SERGEF: variants seen among roughly 807,000 people sequenced by gnomAD.
SERGEF encodes the protein secretion regulating guanine nucleotide exchange factor.
Under a neutral mutation model 50.0 loss-of-function variants are expected in SERGEF, and 51 were observed. The ratio of observed to expected loss-of-function variants is 1.02; its 90% CI spans 0.81 to 1.29. The LOEUF is 1.29. SERGEF is among the 50% of genes most tolerant of loss of function. The probability of loss-of-function intolerance (pLI) is 0.00; values close to 1 mark genes in which losing one functional copy is unlikely to be tolerated. For missense variants in SERGEF, 521 were observed against 557.0 expected (o/e 0.94, Z 0.65); for synonymous variants, 205 against 212.4 (o/e 0.97, Z 0.30).
intron 10 of SERGEF, among the ~76,000 whole-genome samples, chr11:17,844,988 T>C (rs1850579994): frequency 6.6e-6 from 1 of 151,954 alleles, no homozygotes; most frequent in African/African-American, 2.4e-5. Context: ...TTGGGCTGCA[T>C]TCAAAGCTGT....
intron 9 of SERGEF, among the ~76,000 whole-genome samples, chr11:17,929,099 T>C (rs1027329765): frequency 2.6e-5 from 4 of 152,222 alleles, no homozygotes; most frequent in African/African-American, 9.6e-5. Context: ...CACCCACTTT[T>C]GTGAATATAA....
intron 4 of SERGEF, among the ~76,000 whole-genome samples, chr11:18,001,152 A>T (rs1853951765): frequency 6.6e-6 from 1 of 152,146 alleles, no homozygotes; most frequent in Non-Finnish European, 1.5e-5. Flanking sequence ...GTGGAACCAA[A>T]CCTATCTGCC....
chr11:17,852,875 G>A (rs762292904), intron 10 of SERGEF, among the ~76,000 whole-genome samples: 2 of 152,096 alleles, frequency 1.3e-5, no homozygotes, highest in African/African-American at 4.8e-5. Context: ...CCTAATTCTC[G>A]CTCAGTGCTT....
chr11:17,833,928 T>G (rs1477657485), intron 10 of SERGEF, among the ~76,000 whole-genome samples: 1 of 152,186 alleles, frequency 6.6e-6, no homozygotes, highest in Non-Finnish European at 1.5e-5. Context: ...ACTTGCCTGG[T>G]CTCGGATGAG....
At chr11:17,802,446 T>C (rs1374858179) in intron 10 of SERGEF, among the ~76,000 whole-genome samples, 1 of 152,168 alleles carries the variant, frequency 6.6e-6, no homozygotes, top group Admixed American at 6.5e-5. Context: ...GGCTAGAGAC[T>C]TTGAGGCTGA....
chr11:17,914,241 C>A (rs12281058), intron 9 of SERGEF, among the ~76,000 whole-genome samples: 2,731 of 152,238 alleles, frequency 0.018, 97 homozygotes, highest in African/African-American at 0.063. Flanking sequence ...CAAATCCCAC[C>A]TCATCCATGA....
intron 8 of SERGEF, among the ~76,000 whole-genome samples, chr11:17,977,288 T>C (rs776753333): frequency 6.6e-6 from 1 of 151,838 alleles, no homozygotes; most frequent in Non-Finnish European, 1.5e-5. Context: ...AATAACACAG[T>C]GAAGGGAATA....
chr11:17,926,755 A>C lies in SERGEF; in HGVS notation c.1011+32715T>G, dbSNP rs1227840679. 3.5e-5 allele frequency: 16 copies of C among 456,068 alleles called. No individual in the cohort carries two copies. In the East Asian group the frequency reaches 8.3e-4, roughly 24 times the overall value. The allele number at this position is 456,068 out of a possible 1,614,324, so 28.3% of individuals were successfully genotyped here. On this transcript the variant is annotated intron_variant, in intron 9 of 10. Transcript: ENST00000265965. ...AGTCCTACCTTGCTATTACTCCAAA[A>C]GACTATCTTGATGCAGAATCCACCT...
At chr11:17,871,353 C>T (rs1161120654) in intron 10 of SERGEF, among the ~76,000 whole-genome samples, 5 of 150,494 alleles carry the variant, frequency 3.3e-5, no homozygotes, top group African/African-American at 9.8e-5. Context: ...CCCAGCTACT[C>T]GGGAGGCTGA....
chr11:17,978,821 G>C (rs139292334), intron 8 of SERGEF, among the ~76,000 whole-genome samples: 22 of 152,218 alleles, frequency 1.4e-4, no homozygotes, highest in African/African-American at 4.8e-4. Context: ...TACTAATTCC[G>C]AATGATGACT....
intron 9 of SERGEF, among the ~76,000 whole-genome samples, chr11:17,928,433 T>A (rs1287886861): frequency 6.6e-6 from 1 of 152,054 alleles, no homozygotes. Flanking sequence ...CAGCACAGAC[T>A]GAATATTTAG....
At chr11:17,883,691 G>T (rs1851376479) in intron 9 of SERGEF, among the ~76,000 whole-genome samples, 1 of 152,126 alleles carries the variant, frequency 6.6e-6, no homozygotes, top group African/African-American at 2.4e-5. Flanking sequence ...CACCCATCCA[G>T]TTCCCTTACA....
At chr11:17,988,174 C>T (rs2137777) in intron 8 of SERGEF, among the ~76,000 whole-genome samples, 65,960 of 152,076 alleles carry the variant, frequency 0.43, 17,094 homozygotes, top group Middle Eastern at 0.62. Flanking sequence ...AATTCCATGC[C>T]AGCTATGAAT....
chr11:18,006,662 G>C lies in SERGEF; in HGVS notation c.281C>G (p.Pro94Arg). The C allele has an allele frequency of 1.2e-6, 2 of 1,614,130 alleles. No homozygotes were observed. The highest frequency in any genetic ancestry group is 1.7e-6 in the Non-Finnish European group (2 of 1,180,006). The change falls in exon 3 of 11, where the codon CCC becomes CGC. Residue 94 changes from proline to arginine, a missense_variant. By Grantham distance (103) the Pro-to-Arg change is moderately radical. Coordinates refer to ENST00000265965, the MANE Select transcript of SERGEF (RefSeq NM_012139.4). Reference sequence around the variant, plus strand: ...GGGACAGCCAAAGAGGGATTTGCAGGGGGTAAAATATGGGATATCCTCTGT... The same window carrying C: ...GGGACAGCCAAAGAGGGATTTGCAGCGGGTAAAATATGGGATATCCTCTGT... ...GHTEDIPYFT[P>R]CKSLFGCPIQ...
intron 9 of SERGEF, among the ~76,000 whole-genome samples, chr11:17,941,287 T>A (rs919366294): frequency 6.6e-6 from 1 of 152,190 alleles, no homozygotes; most frequent in Non-Finnish European, 1.5e-5. Context: ...GTGTGAAGTA[T>A]ATTCGCATTG....
intron 10 of SERGEF, among the ~76,000 whole-genome samples, chr11:17,789,431 A>T (rs1030234272): frequency 2.6e-5 from 4 of 152,250 alleles, no homozygotes; most frequent in Non-Finnish European, 5.9e-5. Flanking sequence ...AGATACAAAA[A>T]TGAACAAATT....
intron 1 of SERGEF, chr11:18,012,539 C>T (rs1449611672): frequency 4.4e-6 from 5 of 1,136,980 alleles, no homozygotes; most frequent in Non-Finnish European, 5.4e-6. Context: ...GACAGGGTCT[C>T]CCTCCTCCAG....
intron 10 of SERGEF, among the ~76,000 whole-genome samples, chr11:17,856,997 T>A (rs776146482): frequency 4.6e-5 from 7 of 152,212 alleles, no homozygotes; most frequent in Non-Finnish European, 7.3e-5. Context: ...TAGCACTGGT[T>A]TGGTACAAAC....
At chr11:17,815,271 A>T (rs1460327957) in intron 10 of SERGEF, among the ~76,000 whole-genome samples, 1 of 152,022 alleles carries the variant, frequency 6.6e-6, no homozygotes, top group African/African-American at 2.4e-5. Flanking sequence ...TAGGGTTTTG[A>T]TCTATATAAA....
Sources: allele counts gnomAD v4.1 joint callset (sites outside exome capture counted in the v4.1 genomes callset), GRCh38; gene constraint gnomAD v4.1.1; transcripts MANE v1.5; gene names NCBI Gene and HGNC (gene_info 2026-07-23, HGNC 2026-07-21).